Variants in KSR2 observed in about 807,000 individuals in gnomAD.
The protein encoded by KSR2 is kinase suppressor of ras 2.
In KSR2, 25 loss-of-function variants were observed where a neutral mutation model predicts 107.8. That is an observed-to-expected ratio of 0.23 (90% CI 0.17 to 0.32). KSR2 has a LOEUF of 0.32. Ranked by LOEUF, KSR2 falls within the 10% of genes least tolerant of loss-of-function variation. KSR2 has a pLI of 1.00. For synonymous variants in KSR2, 480 were observed against 507.0 expected, an observed-to-expected ratio of 0.95 and a Z score of 0.71; for missense variants, 887 against 1,268.9, an observed-to-expected ratio of 0.70 and a Z score of 4.57.
At chr12:117,765,586 A>T (rs983250774) in intron 3 of KSR2, among the ~76,000 whole-genome samples, 1 of 152,224 alleles carries the variant, frequency 6.6e-6, no homozygotes, top group South Asian at 2.1e-4. Flanking sequence ...AGAATAGAAC[A>T]AGAAATAAAA....
chr12:117,966,850 C>T (rs376215899), intron 1 of KSR2, among the ~76,000 whole-genome samples: 6 of 152,266 alleles, frequency 3.9e-5, no homozygotes, highest in Non-Finnish European at 7.4e-5. Context: ...AGATTCACTA[C>T]GGACTGACGA....
intron 19 of KSR2, among the ~76,000 whole-genome samples, chr12:117,467,577 T>C (rs1221913145): frequency 6.6e-6 from 1 of 152,206 alleles, no homozygotes; most frequent in Admixed American, 6.5e-5. Flanking sequence ...GGTCAGGATT[T>C]GAACCCAGAA....
intron 1 of KSR2, chr12:117,889,555 G>A (rs1216334235): frequency 6.6e-6 from 1 of 151,904 alleles, no homozygotes; most frequent in African/African-American, 2.4e-5. Flanking sequence ...TTTAAATAAC[G>A]AGACGTGGGG....
At chr12:117,540,913 T>TAGTATC (rs1218021211) in intron 9 of KSR2, among the ~76,000 whole-genome samples, 1 of 152,244 alleles carries the variant, frequency 6.6e-6, no homozygotes, top group Non-Finnish European at 1.5e-5. Flanking sequence ...ACCAGGAAAT[T>TAGTATC]AGTATCAGCA....
At chr12:117,880,743 G>A (rs1041644801) in intron 1 of KSR2, among the ~76,000 whole-genome samples, 6 of 129,514 alleles carry the variant, frequency 4.6e-5, no homozygotes, top group East Asian at 2.3e-4. Context: ...TTTCTGAGAC[G>A]TGAAACCTCC....
intron 5 of KSR2, among the ~76,000 whole-genome samples, chr12:117,633,282 G>A (rs902043848): frequency 1.3e-5 from 2 of 152,142 alleles, no homozygotes; most frequent in African/African-American, 4.8e-5. Flanking sequence ...TCTCTCCGCT[G>A]AGAACACTCT....
chr12:117,523,521 G>A (rs1341289749), intron 14 of KSR2, among the ~76,000 whole-genome samples: 3 of 152,172 alleles, frequency 2.0e-5, no homozygotes, highest in Non-Finnish European at 2.9e-5. Flanking sequence ...AAGCCTCTGG[G>A]AGAGGCCAGA....
At position 117,861,412 on chromosome 12, in the gene KSR2, G is replaced by A. The variant is rs372840081; in HGVS notation, c.181-981C>T. 0.013 allele frequency among the ~76,000 whole-genome samples: 1,393 copies of A among 105,742 alleles called. 59 individuals carry two copies. The East Asian group carries it at 0.16, about 12-fold the overall frequency. The allele number at this position is 105,742 out of a possible 152,430, so 69.4% of individuals were successfully genotyped here. On this transcript the variant is annotated intron_variant, in intron 1 of 19. Coordinates refer to ENST00000339824, the MANE Select transcript of KSR2 (RefSeq NM_173598.6). ...TTTTTTTTTTTTTTTTTTTTGAGAT[G>A]GAGTCTCACTCTGTCGCCCAGGCTG...
At chr12:117,587,833 C>T (rs978212959) in intron 5 of KSR2, among the ~76,000 whole-genome samples, 2 of 152,158 alleles carry the variant, frequency 1.3e-5, no homozygotes, top group Non-Finnish European at 1.5e-5. Context: ...AGCAGCAGGA[C>T]GCTGTGCTGG....
intron 4 of KSR2, among the ~76,000 whole-genome samples, chr12:117,680,203 T>C (rs1468773235): frequency 1.3e-5 from 2 of 152,186 alleles, no homozygotes; most frequent in African/African-American, 2.4e-5. Flanking sequence ...CTGAATTGTA[T>C]GCCACTGTGA....
At chr12:117,697,540 AGACCAGCCT>A (rs1309819755) in intron 4 of KSR2, among the ~76,000 whole-genome samples, 3 of 152,160 alleles carry the variant, frequency 2.0e-5, no homozygotes, top group Admixed American at 2.0e-4. Flanking sequence ...CAGGAGTTCA[AGACCAGCCT>A]GACCAACATG....
chr12:117,531,102 T>C (rs2137256005), intron 11 of KSR2, 89 bp from the exon 12 acceptor site: 1 of 1,041,540 alleles, frequency 9.6e-7, no homozygotes, highest in East Asian at 2.4e-5. Flanking sequence ...TGGCAGCCAA[T>C]TTTTCACCAG....
At chr12:117,948,955 A>G (rs1896277778) in intron 1 of KSR2, among the ~76,000 whole-genome samples, 1 of 151,496 alleles carries the variant, frequency 6.6e-6, no homozygotes, top group Non-Finnish European at 1.5e-5. Context: ...TTAGCCGGGC[A>G]TGGTGGCGGG....
chr12:117,543,481 C>T (rs1261134920), intron 9 of KSR2, among the ~76,000 whole-genome samples: 1 of 152,208 alleles, frequency 6.6e-6, no homozygotes, highest in East Asian at 1.9e-4. Context: ...ATTCCTCTCA[C>T]TTTATTATTT....
chr12:117,668,774 A>G lies in KSR2; in HGVS notation c.987-1116T>C, dbSNP rs867392644. Among the ~76,000 whole-genome samples, 16 of 152,296 alleles carry G rather than the reference A, an allele frequency of 1.1e-4. No individual in the cohort carries two copies. In the South Asian group the frequency reaches 2.7e-3, roughly 26 times the overall value. ...TGGATATCTGTCTGATAGTTCCTTC[A>G]GAAGAAAGAATCTGCAGCTGAAACC... On this transcript the variant is annotated intron_variant, in intron 4 of 19. Coordinates refer to ENST00000339824, the MANE Select transcript of KSR2 (RefSeq NM_173598.6).
At chr12:117,868,911 C>T (rs1289418054) in intron 1 of KSR2, among the ~76,000 whole-genome samples, 1 of 151,930 alleles carries the variant, frequency 6.6e-6, no homozygotes, top group Non-Finnish European at 1.5e-5. Flanking sequence ...CCACCACACT[C>T]AACTAATTTT....
intron 13 of KSR2, among the ~76,000 whole-genome samples, chr12:117,526,247 C>G (rs1875154307): frequency 6.6e-6 from 1 of 152,240 alleles, no homozygotes; most frequent in Non-Finnish European, 1.5e-5. Flanking sequence ...GTTAAATGCT[C>G]AAGGTGTAGG....
intron 14 of KSR2, among the ~76,000 whole-genome samples, chr12:117,519,731 G>A (rs1874616059): frequency 6.6e-6 from 1 of 152,062 alleles, no homozygotes; most frequent in African/African-American, 2.4e-5. Flanking sequence ...AAGAAGAGAA[G>A]ATGGTGTGTA....
intron 5 of KSR2, among the ~76,000 whole-genome samples, chr12:117,637,675 G>GTTTTTTTTTTT (rs56169273): frequency 0.018 from 1,698 of 91,958 alleles, 313 homozygotes; most frequent in Middle Eastern, 0.034. Flanking sequence ...TCAGTTTTGG[G>GTTTTTTTTTTT]TTTTTTTTTT....
Sources: allele counts gnomAD v4.1 joint callset (sites outside exome capture counted in the v4.1 genomes callset), GRCh38; gene constraint gnomAD v4.1.1; transcripts MANE v1.5; gene names NCBI Gene and HGNC (gene_info 2026-07-23, HGNC 2026-07-21).